CREB5: variants seen among roughly 807,000 people sequenced by gnomAD.
CREB5 encodes cyclic AMP-responsive element-binding protein 5.
Under a neutral mutation model 57.1 loss-of-function variants are expected in CREB5, and 19 were observed. The observed-to-expected ratio is 0.33, with a 90% CI of 0.23 to 0.49. CREB5 has a LOEUF of 0.49. Among genes scored for constraint, CREB5 ranks in the 20% least tolerant of loss-of-function variants. CREB5 has a pLI of 0.99. For missense variants in CREB5, 579 were observed against 671.6 expected (o/e 0.86, Z 1.52); for synonymous variants, 238 against 238.3 (o/e 1.00, Z 0.01).
At chr7:28,689,825 G>T (rs1028017143) in intron 5 of CREB5, among the ~76,000 whole-genome samples, 2 of 151,902 alleles carry the variant, frequency 1.3e-5, no homozygotes, top group East Asian at 1.9e-4. Context: ...CTGCATTTTT[G>T]ACACCATTTC....
At chr7:28,788,287 G>C (rs561760725) in intron 7 of CREB5, among the ~76,000 whole-genome samples, 97 of 152,254 alleles carry the variant, frequency 6.4e-4, no homozygotes, top group African/African-American at 2.3e-3. Context: ...AGTGTCTCCA[G>C]ATGTTGCCAA....
At chr7:28,534,067 G>T (rs544497747) in intron 4 of CREB5, among the ~76,000 whole-genome samples, 2 of 152,148 alleles carry the variant, frequency 1.3e-5, no homozygotes, top group South Asian at 2.1e-4. Context: ...TGACAACACT[G>T]GGGGGAAGAG....
chr7:28,637,748 A>C (rs1434691145), intron 5 of CREB5, among the ~76,000 whole-genome samples: 4 of 152,220 alleles, frequency 2.6e-5, no homozygotes, highest in Non-Finnish European at 5.9e-5. Context: ...AAGATATCTG[A>C]GTCCTTCAAC....
chr7:28,561,239 A>G (rs1795261301), intron 4 of CREB5, among the ~76,000 whole-genome samples: 1 of 152,200 alleles, frequency 6.6e-6, no homozygotes, highest in South Asian at 2.1e-4. Context: ...GGCCCTGAGG[A>G]CAATGGTAGG....
chr7:28,779,038 A>G (rs1036935735), intron 7 of CREB5: 3 of 152,206 alleles, frequency 2.0e-5, no homozygotes, highest in African/African-American at 7.2e-5. Context: ...AGAAAATCCC[A>G]TGCGTCCATT....
Position 28,586,971 on chromosome 7 carries a change from G to C in CREB5, c.464+16434G>C, listed in dbSNP as rs535612708. ...GGGCATTTCTGATGGCAAAAATCCA[G>C]ACCCAAGGTGGAAAGAGTGGTCCAG... On this transcript the variant is annotated intron_variant, in intron 5 of 10. Coordinates refer to ENST00000357727, the MANE Select transcript of CREB5 (RefSeq NM_182898.4). 3.9e-5 allele frequency among the ~76,000 whole-genome samples: 6 copies of C among 152,334 alleles called. No individual in the cohort carries two copies. In the East Asian group the frequency reaches 1.2e-3, roughly 29 times the overall value.
chr7:28,561,564 T>C (rs1795272423), intron 4 of CREB5, among the ~76,000 whole-genome samples: 1 of 152,188 alleles, frequency 6.6e-6, no homozygotes, highest in Non-Finnish European at 1.5e-5. Flanking sequence ...TGTCTCTATT[T>C]AACAATTGAG....
At chr7:28,560,880 G>A (rs1330489289) in intron 4 of CREB5, among the ~76,000 whole-genome samples, 7 of 29,608 alleles carry the variant, frequency 2.4e-4, no homozygotes, top group African/African-American at 7.4e-4. Flanking sequence ...GTGCGCGTGC[G>A]TGCGTGCGTG....
intron 5 of CREB5, among the ~76,000 whole-genome samples, chr7:28,704,993 T>G (rs1802036802): frequency 6.6e-6 from 1 of 152,222 alleles, no homozygotes. Context: ...CACTTTGTCA[T>G]TTTGTGATCA....
chr7:28,607,610 C>G (rs2128674086), intron 5 of CREB5, among the ~76,000 whole-genome samples: 1 of 152,188 alleles, frequency 6.6e-6, no homozygotes, highest in Non-Finnish European at 1.5e-5. Context: ...CTCAGTGGTT[C>G]CAGCACCAAA....
intron 1 of CREB5, among the ~76,000 whole-genome samples, chr7:28,320,740 T>A (rs1785482009): frequency 6.6e-6 from 1 of 152,250 alleles, no homozygotes; most frequent in South Asian, 2.1e-4. Flanking sequence ...CACTTCACTC[T>A]ACAGAGTCAA....
chr7:28,673,648 T>C (rs1211640343), intron 5 of CREB5, among the ~76,000 whole-genome samples: 1 of 142,464 alleles, frequency 7.0e-6, no homozygotes, highest in Non-Finnish European at 1.5e-5. Context: ...ATGAAGTTTC[T>C]CTCTCTCTCT....
rs1289656922 is a variant in CREB5, at chr7:28,560,835, TGTGTGTGTGC to T, written c.292-9528_292-9519del. Reference sequence around the variant, plus strand: ...GTGTGTGTGTGTGCGCGCGCGCGCGTGTGTGTGTGCGCGTGTGTGTGTGCGTGTGCCTGCG... The same window carrying T: ...GTGTGTGTGTGTGCGCGCGCGCGCGTGCGTGTGTGTGTGCGTGTGCCTGCG... On this transcript the variant is annotated intron_variant, in intron 4 of 10. Transcript: ENST00000357727. Among the ~76,000 whole-genome samples, 9 of 59,812 alleles carry T rather than the reference TGTGTGTGTGC, an allele frequency of 1.5e-4. 2 individuals are homozygous for T. The highest frequency in any genetic ancestry group is 1.1e-3 in the South Asian group (2 of 1,806). 39.2% of individuals were successfully genotyped at this position (59,812 alleles called of 152,430 possible). A position where few individuals can be genotyped will look rare whatever the true frequency, so the allele number is the denominator to read the frequency against.
chr7:28,445,529 C>T (rs982012163), intron 1 of CREB5, among the ~76,000 whole-genome samples: 22 of 151,178 alleles, frequency 1.5e-4, no homozygotes, highest in Admixed American at 2.0e-4. Context: ...AAGTGGGTCC[C>T]GGGAGCCAAT....
chr7:28,815,094 C>T (rs1390796247), intron 9 of CREB5, among the ~76,000 whole-genome samples: 1 of 152,144 alleles, frequency 6.6e-6, no homozygotes, highest in African/African-American at 2.4e-5. Flanking sequence ...AAAATAGCTA[C>T]ACCCCATCTT....
intron 5 of CREB5, among the ~76,000 whole-genome samples, chr7:28,715,698 CAG>C (rs1053629270): frequency 5.9e-5 from 9 of 152,160 alleles, no homozygotes; most frequent in African/African-American, 1.9e-4. Flanking sequence ...AAGCAAGAAA[CAG>C]AGAGAAAATT....
At chr7:28,512,551 A>G (rs1458446441) in intron 4 of CREB5, among the ~76,000 whole-genome samples, 1 of 151,694 alleles carries the variant, frequency 6.6e-6, no homozygotes, top group African/African-American at 2.4e-5. Flanking sequence ...AAAGAAAAAA[A>G]GAGGTGTGTG....
chr7:28,703,422 G>A (rs907549309), intron 5 of CREB5, among the ~76,000 whole-genome samples: 3 of 152,156 alleles, frequency 2.0e-5, no homozygotes, highest in East Asian at 3.9e-4. Flanking sequence ...TAAAGACGGA[G>A]CACTGTACTA....
At chr7:28,436,910 C>T (rs1285068217) in intron 1 of CREB5, among the ~76,000 whole-genome samples, 1 of 152,112 alleles carries the variant, frequency 6.6e-6, no homozygotes, top group Non-Finnish European at 1.5e-5. Context: ...GAATTGTGTA[C>T]TATGCTCTTG....
Sources: gnomAD v4.1 joint callset for allele counts (sites outside exome capture counted in the v4.1 genomes callset) on GRCh38, gnomAD v4.1.1 for gene constraint, MANE v1.5 for transcripts, NCBI Gene and HGNC (gene_info 2026-07-23, HGNC 2026-07-21) for gene names.